BRK1: variants seen among roughly 807,000 people sequenced by gnomAD.
BRK1 encodes BRICK1 subunit of SCAR/WAVE actin nucleating complex.
In BRK1, 6 loss-of-function variants were observed where a neutral mutation model predicts 9.9. The observed-to-expected ratio is 0.60, with a 90% confidence interval of 0.33 to 1.19. The LOEUF (loss-of-function observed/expected upper bound fraction) is 1.19. Ranked by LOEUF, BRK1 falls within the 50% of genes most tolerant of loss-of-function variation. The pLI is 0.04. For missense variants in BRK1, 62 were observed against 97.5 expected (o/e 0.64, Z 1.53); for synonymous variants, 44 against 31.9 (o/e 1.38, Z -1.28).
chr3:10,126,408 CTTGT>C lies in BRK1; in HGVS notation c.*116_*119del. 1.0e-6 allele frequency: 1 copy of C among 977,660 alleles called. No individual in the cohort carries two copies. Among genetic ancestry groups the C allele is most frequent in the Non-Finnish European group, 1.5e-6 (1 of 652,560 alleles). The allele number at this position is 977,660 out of a possible 1,614,324, so 60.6% of individuals were successfully genotyped here. On this transcript the variant is annotated 3_prime_UTR_variant, in exon 3 of 3. Transcript: ENST00000530758. ...TCCTTAAAGAGCAACAGGGCTTATT[CTTGT>C]TTTTCTTTTTTCAAAAGTGTGGCCT... is the stretch of plus-strand genomic sequence containing the variant.
chr3:10,117,258 C>T (rs1695697409), intron 1 of BRK1, among the ~76,000 whole-genome samples: 1 of 152,078 alleles, frequency 6.6e-6, no homozygotes, highest in Non-Finnish European at 1.5e-5. Context: ...TTAGGATTTG[C>T]AAAGGAGAAA....
At chr3:10,125,438 A>G (rs1418516532) in intron 1 of BRK1, among the ~76,000 whole-genome samples, 188 bp from the exon 2 acceptor site, 1 of 152,078 alleles carries the variant, frequency 6.6e-6, no homozygotes, top group Non-Finnish European at 1.5e-5. Flanking sequence ...GTTATTCTCT[A>G]CTTGCAACAC....
chr3:10,117,262 G>A (rs762158778), intron 1 of BRK1, among the ~76,000 whole-genome samples: 2 of 152,114 alleles, frequency 1.3e-5, no homozygotes, highest in Non-Finnish European at 2.9e-5. Flanking sequence ...GATTTGCAAA[G>A]GAGAAATGTC....
intron 1 of BRK1, among the ~76,000 whole-genome samples, chr3:10,117,420 G>A (rs1432521946): frequency 7.4e-6 from 1 of 134,650 alleles, no homozygotes; most frequent in African/African-American, 2.9e-5. Flanking sequence ...TTTTGAGACA[G>A]GGTCTCACTC....
chr3:10,125,545 C>G, intron 1 of BRK1, 81 bp from the exon 2 acceptor site: 1 of 829,408 alleles, frequency 1.2e-6, no homozygotes, highest in Non-Finnish European at 2.0e-6. Flanking sequence ...TATTATTCCT[C>G]TTTTTCATTG....
chr3:10,117,656 C>A (rs750225543), intron 1 of BRK1, among the ~76,000 whole-genome samples: 1 of 152,028 alleles, frequency 6.6e-6, no homozygotes, highest in Non-Finnish European at 1.5e-5. Flanking sequence ...TTCGGCCTCC[C>A]AAAGTGCTGG....
intron 1 of BRK1, among the ~76,000 whole-genome samples, chr3:10,118,176 C>T (rs758817479): frequency 4.1e-5 from 6 of 147,010 alleles, no homozygotes; most frequent in Admixed American, 1.4e-4. Flanking sequence ...TTGCTTGAAC[C>T]GGGGAGGCAG....
At position 10,115,724 on chromosome 3, in the gene BRK1, T is replaced by C; in HGVS notation, c.23T>C (p.Val8Ala). Residue 8 changes from valine to alanine, a missense_variant, in exon 1 of 3, where the codon GTG becomes GCG. Transcript: ENST00000530758. MAGQEDP[V>A]QREIHQDWAN... ...GCCATGGCGGGACAGGAGGATCCGG[T>C]GCAGCGGGAGATTCACCAGGACTGG... 1 of 1,613,654 alleles carries C rather than the reference T, an allele frequency of 6.2e-7. No homozygotes were observed.
At chr3:10,117,100 A>T (rs1194039852) in intron 1 of BRK1, among the ~76,000 whole-genome samples, 4 of 152,146 alleles carry the variant, frequency 2.6e-5, no homozygotes, top group African/African-American at 7.2e-5. Flanking sequence ...CAACAAAAAA[A>T]TTAGTTGGGC....
At chr3:10,116,550 T>G (rs1241348224) in intron 1 of BRK1, among the ~76,000 whole-genome samples, 1 of 152,196 alleles carries the variant, frequency 6.6e-6, no homozygotes, top group Non-Finnish European at 1.5e-5. Flanking sequence ...GTGACAGCCT[T>G]AAATTCTTCC....
At position 10,120,170 on chromosome 3, in the gene BRK1, C is replaced by T. The variant is rs1695738099; in HGVS notation, c.118+4351C>T. Among the ~76,000 whole-genome samples, 3 of 151,892 alleles carry T rather than the reference C, an allele frequency of 2.0e-5. No homozygotes were observed. In the South Asian group the frequency reaches 6.2e-4, roughly 32 times the overall value. On this transcript the variant is annotated intron_variant, in intron 1 of 2. Transcript: ENST00000530758. ...TCAGCCTCCTGAGTAGCTGGGACTACAGGCATGCGCCACCACGCCTGGCTA... is the reference window on the plus strand; with the variant it reads ...TCAGCCTCCTGAGTAGCTGGGACTATAGGCATGCGCCACCACGCCTGGCTA...
intron 1 of BRK1, among the ~76,000 whole-genome samples, chr3:10,120,666 T>G (rs1695744857): frequency 6.6e-6 from 1 of 152,206 alleles, no homozygotes; most frequent in South Asian, 2.1e-4. Context: ...CTGAATGCTT[T>G]CTCAGTGTTT....
intron 1 of BRK1, among the ~76,000 whole-genome samples, chr3:10,122,026 A>G (rs994538753): frequency 6.6e-6 from 1 of 151,058 alleles, no homozygotes; most frequent in Non-Finnish European, 1.5e-5. Flanking sequence ...AGTAGCTGGG[A>G]TTACAGGTGT....
At chr3:10,117,263 G>A (rs1392997550) in intron 1 of BRK1, among the ~76,000 whole-genome samples, 1 of 152,164 alleles carries the variant, frequency 6.6e-6, no homozygotes, top group Non-Finnish European at 1.5e-5. Flanking sequence ...ATTTGCAAAG[G>A]AGAAATGTCC....
At chr3:10,125,091 A>G (rs984596176) in intron 1 of BRK1, among the ~76,000 whole-genome samples, 1 of 152,074 alleles carries the variant, frequency 6.6e-6, no homozygotes, top group African/African-American at 2.4e-5. Flanking sequence ...TATTCACAGG[A>G]TCCAGGGATT....
chr3:10,124,328 C>T (rs953502823), intron 1 of BRK1, among the ~76,000 whole-genome samples: 5 of 148,748 alleles, frequency 3.4e-5, no homozygotes, highest in East Asian at 3.9e-4. Flanking sequence ...GGCATGGTGG[C>T]GCACACCTGT....
intron 1 of BRK1, among the ~76,000 whole-genome samples, chr3:10,118,968 A>C (rs1410552889): frequency 6.6e-6 from 1 of 151,894 alleles, no homozygotes; most frequent in African/African-American, 2.4e-5. Flanking sequence ...CATTTAATGA[A>C]TAGTAAATAT....
At chr3:10,123,200 A>G (rs921666272) in intron 1 of BRK1, among the ~76,000 whole-genome samples, 2 of 152,234 alleles carry the variant, frequency 1.3e-5, no homozygotes, top group Non-Finnish European at 2.9e-5. Context: ...ATCTGGTTTC[A>G]TTTTGAATGA....
At chr3:10,116,894 A>G (rs544700049) in intron 1 of BRK1, among the ~76,000 whole-genome samples, 12 of 152,222 alleles carry the variant, frequency 7.9e-5, no homozygotes, top group Admixed American at 3.9e-4. Context: ...TGACAACTTC[A>G]GGACAAAGAA....
Sources: gnomAD v4.1 joint callset for allele counts (sites outside exome capture counted in the v4.1 genomes callset) on GRCh38, gnomAD v4.1.1 for gene constraint, MANE v1.5 for transcripts, NCBI Gene and HGNC (gene_info 2026-07-23, HGNC 2026-07-21) for gene names.